The following NAV1 variants were observed in gnomAD, a reference collection of about 807,000 sequenced individuals.
NAV1 encodes the protein neuron navigator 1, also known as pore membrane and/or filament interacting like protein 3.
In NAV1, 18 loss-of-function variants were observed where a neutral mutation model predicts 175.2. The observed-to-expected ratio is 0.10, with a 90% CI of 0.07 to 0.15. The LOEUF (loss-of-function observed/expected upper bound fraction) is 0.15, where lower values mean the gene tolerates loss of function less well. Among genes scored for constraint, NAV1 ranks in the 10% least tolerant of loss-of-function variants. The pLI is 1.00. For synonymous variants in NAV1, 897 were observed against 978.7 expected, an observed-to-expected ratio of 0.92 and a Z score of 1.56; for missense variants, 1,731 against 2,436.6, an observed-to-expected ratio of 0.71 and a Z score of 6.10.
exon 9 of NAV1, chr1:201,786,528 C>G (rs1382928619): frequency 1.2e-6 from 2 of 1,613,934 alleles, no homozygotes; most frequent in South Asian, 1.1e-5. Context: ...TGCCTTCTCC[C>G]CCTGCACTTC....
intron 1 of NAV1, among the ~76,000 whole-genome samples, chr1:201,674,996 C>T (rs1401494066): frequency 4.0e-5 from 6 of 149,388 alleles, no homozygotes; most frequent in African/African-American, 1.0e-4. Flanking sequence ...GCGGAGATCG[C>T]GTCACTGCCT....
chr1:201,760,573 C>A (rs896657297), intron 3 of NAV1, among the ~76,000 whole-genome samples: 3 of 152,190 alleles, frequency 2.0e-5, no homozygotes, highest in Admixed American at 2.0e-4. Context: ...CACTGACTTT[C>A]TCCCTGGGGA....
chr1:201,782,625 A>G lies in NAV1; in HGVS notation c.2113A>G (p.Thr705Ala). ...CAGCATTGACCCCAGTCTCCTCAGC[A>G]CCAAGCAGGGAGGCCTTACGCCTTC... Residue 705 changes from threonine to alanine, a missense_variant, in exon 6 of 30, where the codon ACC becomes GCC. Transcript: ENST00000367296. This position sits in a 1 kb window ranked among gnomAD's most constrained non-coding sequence, Gnocchi z 5.4. 1.9e-6 allele frequency: 3 copies of G among 1,614,040 alleles called. No individual in the cohort carries two copies. Among genetic ancestry groups the G allele is most frequent in the Non-Finnish European group, 8.5e-7 (1 of 1,180,000 alleles).
In NAV1 at chr1:201,807,663, C is replaced by G. The variant is rs192913212; in HGVS notation, c.3649-290C>G. On this transcript the variant is annotated intron_variant, in intron 17 of 29. Coordinates refer to ENST00000367296, the Ensembl canonical transcript of NAV1. The surrounding 1 kb of genome is among the most constrained non-coding windows in gnomAD (Gnocchi z 5.4). ...GAAGATTCTGTTCTTTCTCTTGGTC[C>G]TAATTTCCTTTCTTTCTTTCTTTCT... is the stretch of plus-strand genomic sequence containing the variant. Among the ~76,000 whole-genome samples, 87 of 152,234 alleles carry G rather than the reference C, an allele frequency of 5.7e-4. No homozygotes were observed. The highest frequency in any genetic ancestry group is 2.0e-3 in the African/African-American group (85 of 41,548).
intron 1 of NAV1, among the ~76,000 whole-genome samples, chr1:201,565,740 C>T (rs1025255994): frequency 6.6e-5 from 10 of 152,162 alleles, no homozygotes; most frequent in African/African-American, 2.4e-4. Flanking sequence ...TGTCACCCAC[C>T]CCCTGCCTCT....
chr1:201,657,607 T>C (rs1669454906), intron 1 of NAV1, among the ~76,000 whole-genome samples: 1 of 152,218 alleles, frequency 6.6e-6, no homozygotes, highest in South Asian at 2.1e-4. Context: ...GACCTCACTG[T>C]CTGCATCTCA....
At chr1:201,542,371 A>C (rs1172857486) in intron 1 of NAV1, among the ~76,000 whole-genome samples, 2 of 152,326 alleles carry the variant, frequency 1.3e-5, no homozygotes, top group Non-Finnish European at 2.9e-5. Flanking sequence ...AAATGTGGCA[A>C]TACTTGGCAA....
At chr1:201,700,839 G>A (rs1157520452) in intron 1 of NAV1, among the ~76,000 whole-genome samples, 3 of 151,582 alleles carry the variant, frequency 2.0e-5, no homozygotes, top group East Asian at 1.9e-4. Flanking sequence ...GTGAAACCCC[G>A]TCTCTAATAA....
At chr1:201,781,797 C>T (rs1571486932) in intron 5 of NAV1, among the ~76,000 whole-genome samples, 1 of 152,200 alleles carries the variant, frequency 6.6e-6, no homozygotes, top group South Asian at 2.1e-4. Context: ...CAACATTTTC[C>T]TGTAGTCTCT....
At chr1:201,549,106 TCTTTC>T (rs752324836) in intron 1 of NAV1, among the ~76,000 whole-genome samples, 1,686 of 149,886 alleles carry the variant, frequency 0.011, 16 homozygotes, top group Middle Eastern at 0.021. Context: ...TTTCTTTCTT[TCTTTC>T]TTTCTTTCTT....
chr1:201,555,749 T>C (rs1053681177), intron 1 of NAV1, among the ~76,000 whole-genome samples: 2 of 150,614 alleles, frequency 1.3e-5, no homozygotes, highest in African/African-American at 4.9e-5. Context: ...AGCGGCCTAA[T>C]GGAGGCAGGA....
chr1:201,584,640 C>G (rs1666973327), intron 1 of NAV1, among the ~76,000 whole-genome samples: 1 of 152,352 alleles, frequency 6.6e-6, no homozygotes, highest in Admixed American at 6.5e-5. Context: ...CCCACGGCAG[C>G]CTTATGAAAG....
intron 3 of NAV1, among the ~76,000 whole-genome samples, chr1:201,779,767 C>T (rs968756017): frequency 6.6e-6 from 1 of 152,064 alleles, no homozygotes; most frequent in African/African-American, 2.4e-5. Flanking sequence ...ATACCACAGA[C>T]CTGATATTCC....
chr1:201,593,233 C>A (rs1667254996), intron 2 of NAV1, among the ~76,000 whole-genome samples: 1 of 152,192 alleles, frequency 6.6e-6, no homozygotes, highest in Non-Finnish European at 1.5e-5. Context: ...TTTCCAGCCC[C>A]ATCGTCTCCA....
intron 2 of NAV1, among the ~76,000 whole-genome samples, chr1:201,605,077 A>G (rs1207440267): frequency 2.0e-5 from 3 of 150,926 alleles, no homozygotes; most frequent in Non-Finnish European, 4.4e-5. Context: ...ACCCTAGCAC[A>G]TACACAAACG....
rs1678394913 is a variant in NAV1, at chr1:201,807,791, C to G, written c.3649-162C>G. 6.6e-6 allele frequency among the ~76,000 whole-genome samples: 1 copy of G among 152,112 alleles called. No homozygotes were observed. Among genetic ancestry groups the G allele is most frequent in the Non-Finnish European group, 1.5e-5 (1 of 68,026 alleles). On this transcript the variant is annotated intron_variant, in intron 17 of 29. Coordinates refer to ENST00000367296, the Ensembl canonical transcript of NAV1. This position sits in a 1 kb window ranked among gnomAD's most constrained non-coding sequence, Gnocchi z 5.4. The stretch of plus-strand genomic sequence containing the variant: ...CGGTCCTAATTTCTAGGCAACTCTT[C>G]TGTCCGTATTCTATGAATCAAGTGA...
At position 201,781,336 on chromosome 1, in the gene NAV1, A is replaced by G. The variant is rs761083056; in HGVS notation, c.1663+27A>G. The G allele has an allele frequency of 5.1e-6, 8 of 1,572,976 alleles. No homozygotes were observed. The African/African-American group carries it at 1.1e-4, about 21-fold the overall frequency. On this transcript the variant is annotated intron_variant, in intron 5 of 29. Transcript: ENST00000367296. ...TGAGCCTGGAATAAAGGAAGGTACA[A>G]GGGCAAAGACCTAGTTCTTTGGTTG...
In NAV1 at chr1:201,787,592, A is replaced by G; in HGVS notation, c.2996-876A>G. 1 of 451,878 alleles carries G rather than the reference A, an allele frequency of 2.2e-6. No homozygotes were observed. The highest frequency in any genetic ancestry group is 1.6e-5 in the South Asian group (1 of 63,724). 28.0% of individuals were successfully genotyped at this position (451,878 alleles called of 1,614,324 possible). ...TGCAGAATGAGGGGCTGGGCTAAGC[A>G]ATAATTACCTCAGGAATTTGAAAAG... On this transcript the variant is annotated intron_variant, in intron 9 of 29. Transcript: ENST00000367296. The surrounding 1 kb of genome is among the most constrained non-coding windows in gnomAD (Gnocchi z 4.3).
At chr1:201,551,040 A>G (rs1665838371) in intron 1 of NAV1, among the ~76,000 whole-genome samples, 1 of 152,226 alleles carries the variant, frequency 6.6e-6, no homozygotes, top group African/African-American at 2.4e-5. Context: ...CAACCTTATG[A>G]GGTGGGCAGG....
Sources: allele counts gnomAD v4.1 joint callset (sites outside exome capture counted in the v4.1 genomes callset), GRCh38; gene constraint gnomAD v4.1.1; non-coding constraint Gnocchi (gnomAD v3.1); transcripts MANE v1.5; gene names NCBI Gene and HGNC (gene_info 2026-07-23, HGNC 2026-07-21).